ACYP2: variants seen among roughly 807,000 people sequenced by gnomAD.
ACYP2 encodes the protein acylphosphatase 2.
In ACYP2, 12 loss-of-function variants were observed where a neutral mutation model predicts 11.2. The observed-to-expected ratio is 1.08, with a 90% CI of 0.69 to 1.74. The LOEUF (loss-of-function observed/expected upper bound fraction) is 1.74, where lower values mean the gene tolerates loss of function less well. Among genes scored for constraint, ACYP2 ranks in the 40% most tolerant of loss-of-function variants. The pLI, the probability that ACYP2 is intolerant of heterozygous loss-of-function variation, is 0.00. For missense variants in ACYP2, 134 were observed against 101.9 expected, an observed-to-expected ratio of 1.31 and a Z score of -1.35; for synonymous variants, 43 against 32.2, an observed-to-expected ratio of 1.33 and a Z score of -1.13.
At chr2:54,068,128 T>A (rs1676835895) in intron 4 of ACYP2, among the ~76,000 whole-genome samples, 1 of 152,220 alleles carries the variant, frequency 6.6e-6, no homozygotes, top group Non-Finnish European at 1.5e-5. Flanking sequence ...GGAGATTGAT[T>A]CTCTAATGCT....
At chr2:54,265,014 GAA>G (rs2104057433) in intron 6 of ACYP2, among the ~76,000 whole-genome samples, 1 of 152,242 alleles carries the variant, frequency 6.6e-6, no homozygotes, top group African/African-American at 2.4e-5. Context: ...AGGGAGGAAA[GAA>G]AATATAGCAA....
intron 6 of ACYP2, among the ~76,000 whole-genome samples, chr2:54,246,248 T>C (rs986203115): frequency 6.6e-6 from 1 of 152,150 alleles, no homozygotes; most frequent in Admixed American, 6.5e-5. Context: ...TTAGAATTTG[T>C]TTGTCTCATT....
intron 2 of ACYP2, among the ~76,000 whole-genome samples, chr2:54,013,166 A>AC (rs1165229001): frequency 6.9e-5 from 2 of 29,038 alleles, no homozygotes; most frequent in South Asian, 1.5e-3. Context: ...ACCTGCCCCC[A>AC]CCCCCCGCCC....
intron 2 of ACYP2, chr2:54,030,655 C>T (rs1674537822): frequency 5.3e-6 from 1 of 190,278 alleles, no homozygotes; most frequent in Non-Finnish European, 1.2e-5. Flanking sequence ...TACCCAGCGC[C>T]TCTCCTCTCT....
intron 6 of ACYP2, among the ~76,000 whole-genome samples, chr2:54,151,035 C>A (rs1451276155): frequency 2.0e-5 from 3 of 152,148 alleles, no homozygotes; most frequent in Non-Finnish European, 4.4e-5. Context: ...GCCACCGCGC[C>A]CGGCAGATTC....
intron 4 of ACYP2, among the ~76,000 whole-genome samples, chr2:54,113,535 C>G (rs1420951443): frequency 7.9e-5 from 12 of 151,938 alleles, no homozygotes; most frequent in Admixed American, 7.9e-4. Flanking sequence ...TGTGAGCCAC[C>G]GTGCAGGCCA....
intron 6 of ACYP2, among the ~76,000 whole-genome samples, chr2:54,184,099 T>C (rs771098853): frequency 1.6e-4 from 25 of 152,204 alleles, no homozygotes; most frequent in Non-Finnish European, 3.5e-4. Context: ...ACAAGGTAAT[T>C]TGTCAATTCT....
In ACYP2 at chr2:53,981,878, G is replaced by A. The variant is rs139343534; in HGVS notation, c.62+8068G>A. Among the ~76,000 whole-genome samples, 33 of 152,156 alleles carry A rather than the reference G, an allele frequency of 2.2e-4. No individual in the cohort carries two copies. The East Asian group carries it at 4.6e-3, about 21-fold the overall frequency. On this transcript the variant is annotated intron_variant, in intron 2 of 6. Coordinates refer to ENST00000607452, the MANE Select transcript of ACYP2 (RefSeq NM_001320586.2). ...CAATACATTTCTCAAACATATCTCCGTCATTAAGTGATGTATTTATTTAAT... is the reference window on the plus strand; with the variant it reads ...CAATACATTTCTCAAACATATCTCCATCATTAAGTGATGTATTTATTTAAT...
chr2:54,092,183 T>C (rs937107805), intron 4 of ACYP2, among the ~76,000 whole-genome samples: 4 of 152,132 alleles, frequency 2.6e-5, no homozygotes, highest in Admixed American at 2.0e-4. Context: ...TTTGAAGATG[T>C]TGAATTTGCA....
intron 2 of ACYP2, among the ~76,000 whole-genome samples, chr2:54,032,367 A>G (rs777678069): frequency 6.6e-6 from 1 of 152,208 alleles, no homozygotes; most frequent in Non-Finnish European, 1.5e-5. Context: ...TCCTAGCACC[A>G]TTTGTTAAAT....
chr2:54,018,148 G>A (rs1673799905), intron 2 of ACYP2, among the ~76,000 whole-genome samples: 1 of 152,158 alleles, frequency 6.6e-6, no homozygotes, highest in East Asian at 1.9e-4. Flanking sequence ...CAATAGCTAG[G>A]TAGCCATCTG....
intron 6 of ACYP2, among the ~76,000 whole-genome samples, chr2:54,186,570 A>G (rs1167709402): frequency 6.6e-6 from 1 of 152,096 alleles, no homozygotes; most frequent in Non-Finnish European, 1.5e-5. Context: ...CTGGAGTACA[A>G]TGGCGTGGTC....
At chr2:54,036,748 A>G (rs1419830448) in intron 2 of ACYP2, among the ~76,000 whole-genome samples, 1 of 152,198 alleles carries the variant, frequency 6.6e-6, no homozygotes, top group Non-Finnish European at 1.5e-5. Flanking sequence ...TGAGAGTTTA[A>G]TTTCTCATTG....
intron 4 of ACYP2, among the ~76,000 whole-genome samples, chr2:54,082,336 C>T (rs1258405038): frequency 2.6e-5 from 4 of 151,396 alleles, no homozygotes; most frequent in South Asian, 2.1e-4. Context: ...ACCTCTGCCT[C>T]GCAGGTTCAA....
chr2:54,022,717 T>C (rs756178681), intron 2 of ACYP2, among the ~76,000 whole-genome samples: 5 of 152,126 alleles, frequency 3.3e-5, no homozygotes, highest in African/African-American at 4.8e-5. Flanking sequence ...ATTTGAGAAG[T>C]GGTAGATGCA....
chr2:54,242,285 G>A lies in ACYP2; in HGVS notation c.405-62403G>A, dbSNP rs558881568. ...AACAAGATGCAAACCACCAGGCTTG[G>A]TAGATAGAATACCCTTTGAGAATTA... On this transcript the variant is annotated intron_variant, in intron 6 of 6. Coordinates refer to ENST00000607452, the MANE Select transcript of ACYP2 (RefSeq NM_001320586.2). Among the ~76,000 whole-genome samples the A allele has an allele frequency of 1.2e-3, 184 of 152,318 alleles. 2 individuals are homozygous for A. Among genetic ancestry groups the A allele is most frequent in the African/African-American group, 4.2e-3 (173 of 41,570 alleles).
At chr2:54,169,099 T>C (rs1683125239) in intron 6 of ACYP2, among the ~76,000 whole-genome samples, 1 of 152,240 alleles carries the variant, frequency 6.6e-6, no homozygotes, top group Non-Finnish European at 1.5e-5. Context: ...TAAAGTATGT[T>C]AGACTTATCG....
chr2:54,282,566 A>G (rs1275353945), intron 6 of ACYP2, among the ~76,000 whole-genome samples: 3 of 152,216 alleles, frequency 2.0e-5, no homozygotes, highest in African/African-American at 4.8e-5. Flanking sequence ...AAACTTATTC[A>G]CTTCCTTATT....
At chr2:54,079,503 A>G (rs1677529558) in intron 4 of ACYP2, among the ~76,000 whole-genome samples, 1 of 152,210 alleles carries the variant, frequency 6.6e-6, no homozygotes, top group African/African-American at 2.4e-5. Flanking sequence ...CACAGTACAG[A>G]TGAAAGCTTG....
Sources: gnomAD v4.1 joint callset for allele counts (sites outside exome capture counted in the v4.1 genomes callset) on GRCh38, gnomAD v4.1.1 for gene constraint, MANE v1.5 for transcripts, NCBI Gene and HGNC (gene_info 2026-07-23, HGNC 2026-07-21) for gene names.